The following EXOC4 variants were observed in gnomAD, a reference collection of about 807,000 sequenced individuals.
EXOC4 encodes the protein exocyst complex component 4.
EXOC4 carries 71 observed loss-of-function variants against 107.2 expected under a neutral mutation model. That is an observed-to-expected ratio of 0.66 (90% CI 0.55 to 0.81). The LOEUF is 0.81. EXOC4 is among the 30% of genes least tolerant of loss of function. The pLI, the probability that EXOC4 is intolerant of heterozygous loss-of-function variation, is 0.00. For synonymous variants in EXOC4, 456 were observed against 441.2 expected (o/e 1.03, Z -0.42); for missense variants, 1,108 against 1,189.6 (o/e 0.93, Z 1.01).
chr7:133,697,044 G>A (rs1273456895), intron 10 of EXOC4, among the ~76,000 whole-genome samples: 1 of 152,180 alleles, frequency 6.6e-6, no homozygotes, highest in Non-Finnish European at 1.5e-5. Context: ...AACTTTGAAA[G>A]AGGCTCTTTA....
At chr7:134,034,490 C>T (rs951612461) in intron 17 of EXOC4, among the ~76,000 whole-genome samples, 1 of 152,154 alleles carries the variant, frequency 6.6e-6, no homozygotes, top group Admixed American at 6.5e-5. Flanking sequence ...AATTGAATCA[C>T]GGGGGCAGTT....
intron 7 of EXOC4, among the ~76,000 whole-genome samples, chr7:133,398,380 A>G (rs1434241008): frequency 6.6e-6 from 1 of 152,258 alleles, no homozygotes; most frequent in Non-Finnish European, 1.5e-5. Flanking sequence ...GGATGCACAT[A>G]CAGTCCTATT....
At chr7:133,394,790 G>T (rs970839095) in intron 7 of EXOC4, among the ~76,000 whole-genome samples, 1 of 151,826 alleles carries the variant, frequency 6.6e-6, no homozygotes, top group Non-Finnish European at 1.5e-5. Flanking sequence ...GTAGGAGAAA[G>T]AATTTTAATT....
At chr7:133,333,730 TCAACTC>T (rs1795446362) in intron 5 of EXOC4, among the ~76,000 whole-genome samples, 1 of 152,208 alleles carries the variant, frequency 6.6e-6, no homozygotes, top group South Asian at 2.1e-4. Context: ...AAACATGAGT[TCAACTC>T]CAAATCCATG....
At chr7:133,742,797 G>A (rs1171277868) in intron 10 of EXOC4, among the ~76,000 whole-genome samples, 15 of 152,098 alleles carry the variant, frequency 9.9e-5, no homozygotes, top group Admixed American at 9.8e-4. Flanking sequence ...TTCATTCCTG[G>A]GTTGTGCATC....
chr7:133,780,245 A>G (rs1274083998), intron 10 of EXOC4, among the ~76,000 whole-genome samples: 1 of 151,298 alleles, frequency 6.6e-6, no homozygotes, highest in African/African-American at 2.4e-5. Context: ...CAAAAAAAAA[A>G]CCTTCCTTTT....
intron 10 of EXOC4, among the ~76,000 whole-genome samples, chr7:133,704,621 T>C (rs1395049127): frequency 6.6e-6 from 1 of 152,250 alleles, no homozygotes; most frequent in Non-Finnish European, 1.5e-5. Context: ...GCATCTGGCC[T>C]GTACATGTGG....
rs903277711 is a variant in EXOC4, at chr7:133,278,609, G to C, written c.276+3438G>C. On this transcript the variant is annotated intron_variant, in intron 2 of 17. Transcript: ENST00000253861. ...ATTGGAGGTTTGGAGCAGCAGCAAG[G>C]TGGTTGATGAGGCTGAAGCAAAATG... Among the ~76,000 whole-genome samples, 4 of 152,194 alleles carry C rather than the reference G, an allele frequency of 2.6e-5. No homozygotes were observed. In the South Asian group the frequency reaches 8.3e-4, roughly 32 times the overall value.
At chr7:133,511,984 T>A (rs1799778586) in intron 9 of EXOC4, among the ~76,000 whole-genome samples, 2 of 152,200 alleles carry the variant, frequency 1.3e-5, no homozygotes, top group Non-Finnish European at 2.9e-5. Context: ...ACTTTTCTCC[T>A]CCTGCTCAGC....
intron 11 of EXOC4, among the ~76,000 whole-genome samples, chr7:133,823,902 TA>T (rs1218660481): frequency 3.5e-5 from 1 of 28,724 alleles, no homozygotes; most frequent in African/African-American, 4.2e-4. Context: ...ATTTTATATA[TA>T]TATATATAAA....
chr7:133,663,495 A>G (rs1562897587), intron 10 of EXOC4, among the ~76,000 whole-genome samples: 1 of 152,086 alleles, frequency 6.6e-6, no homozygotes, highest in Non-Finnish European at 1.5e-5. Context: ...TTATATTGGA[A>G]CCTCAAATTT....
chr7:133,631,175 T>C (rs1180914991), intron 10 of EXOC4, among the ~76,000 whole-genome samples: 1 of 152,138 alleles, frequency 6.6e-6, no homozygotes. Context: ...TGTGGCATTT[T>C]CGCATAATAG....
chr7:133,978,421 A>G (rs1054568603), intron 14 of EXOC4, among the ~76,000 whole-genome samples: 3 of 152,196 alleles, frequency 2.0e-5, no homozygotes, highest in African/African-American at 7.2e-5. Context: ...GTGACCCTTC[A>G]TCTCACTACT....
At chr7:133,992,344 G>A (rs1368506128) in intron 14 of EXOC4, among the ~76,000 whole-genome samples, 2 of 151,978 alleles carry the variant, frequency 1.3e-5, no homozygotes, top group African/African-American at 4.8e-5. Flanking sequence ...ATGCAGTGAT[G>A]CAATCTCAGC....
At chr7:133,684,268 T>C (rs1033637975) in intron 10 of EXOC4, among the ~76,000 whole-genome samples, 2 of 152,182 alleles carry the variant, frequency 1.3e-5, no homozygotes, top group Non-Finnish European at 2.9e-5. Flanking sequence ...ATTTAAAATA[T>C]CAGAATACTT....
chr7:133,483,145 C>T (rs1415412336), intron 9 of EXOC4, among the ~76,000 whole-genome samples: 1 of 152,164 alleles, frequency 6.6e-6, no homozygotes, highest in African/African-American at 2.4e-5. Flanking sequence ...TCTCACAGCA[C>T]CTGGTACAAT....
chr7:133,542,169 T>TGTGTGTG (rs112053491), intron 9 of EXOC4, among the ~76,000 whole-genome samples: 37 of 147,058 alleles, frequency 2.5e-4, no homozygotes, highest in Admixed American at 4.7e-4. Flanking sequence ...AAATTTTATC[T>TGTGTGTG]TGTGTGTGTG....
chr7:133,611,702 C>T (rs1205193035), intron 9 of EXOC4, among the ~76,000 whole-genome samples: 1 of 152,104 alleles, frequency 6.6e-6, no homozygotes, highest in Non-Finnish European at 1.5e-5. Context: ...CTAACTCCTA[C>T]CCATTCTTCA....
chr7:133,378,308 TC>T (rs1796534600), intron 7 of EXOC4, among the ~76,000 whole-genome samples: 1 of 56,486 alleles, frequency 1.8e-5, no homozygotes. Context: ...AGACTCCATC[TC>T]AAAAAAAAAA....
Sources: allele counts gnomAD v4.1 joint callset (sites outside exome capture counted in the v4.1 genomes callset), GRCh38; gene constraint gnomAD v4.1.1; transcripts MANE v1.5; gene names NCBI Gene and HGNC (gene_info 2026-07-23, HGNC 2026-07-21).